Variants in SLC25A44 observed in about 807,000 individuals in gnomAD.
The protein encoded by SLC25A44 is solute carrier family 25, member 44.
In SLC25A44, 17 loss-of-function variants were observed where a neutral mutation model predicts 29.9. The ratio of observed to expected loss-of-function variants is 0.57; its 90% CI spans 0.39 to 0.85. The LOEUF (loss-of-function observed/expected upper bound fraction) is 0.85. Ranked by LOEUF, SLC25A44 falls within the 40% of genes least tolerant of loss-of-function variation. The probability of loss-of-function intolerance (pLI) is 0.00; values close to 1 mark genes in which losing one functional copy is unlikely to be tolerated. For synonymous variants in SLC25A44, 140 were observed against 151.8 expected, an observed-to-expected ratio of 0.92 and a Z score of 0.57; for missense variants, 302 against 398.4, an observed-to-expected ratio of 0.76 and a Z score of 2.06.
rs746882753 is a variant in SLC25A44 at position 156,200,480 on chromosome 1, G to A, written c.625+8G>A. The A allele has an allele frequency of 3.8e-6, 6 of 1,596,440 alleles. No homozygotes were observed. In the South Asian group the frequency reaches 6.7e-5, roughly 18 times the overall value. On this transcript the variant is annotated splice_region_variant and intron_variant, in intron 2 of 3. Transcript: ENST00000359511. The stretch of plus-strand genomic sequence containing the variant: ...TCTATCACTTCTATGCAGGTAAGCA[G>A]GGGCCAGGACAGTGGGGGAGGAAGG...
At chr1:156,201,898 C>T (rs1333108937) in intron 2 of SLC25A44, among the ~76,000 whole-genome samples, 3 of 152,176 alleles carry the variant, frequency 2.0e-5, no homozygotes, top group African/African-American at 4.8e-5. Context: ...ATTTTTCTGA[C>T]GTGTCCATCA....
intron 3 of SLC25A44, among the ~76,000 whole-genome samples, chr1:156,209,955 C>T (rs1657185928): frequency 6.6e-6 from 1 of 151,894 alleles, no homozygotes; most frequent in African/African-American, 2.4e-5. Flanking sequence ...CCTCGTGGTG[C>T]AGGTACTATT....
At chr1:156,202,878 G>C (rs1656676286) in intron 2 of SLC25A44, among the ~76,000 whole-genome samples, 1 of 152,144 alleles carries the variant, frequency 6.6e-6, no homozygotes, top group South Asian at 2.1e-4. Flanking sequence ...TGGTCTATAA[G>C]AACAGGGATC....
At chr1:156,204,268 A>G (rs1303073228) in intron 2 of SLC25A44, among the ~76,000 whole-genome samples, 3 of 151,776 alleles carry the variant, frequency 2.0e-5, no homozygotes, top group Non-Finnish European at 1.5e-5. Context: ...CGGCCTCCCA[A>G]AGTGCTGGGA....
rs1656455339 is a variant in SLC25A44 at position 156,200,009 on chromosome 1, C to T, written c.162C>T (p.Tyr54=). The change falls in exon 2 of 4, where the codon TAC becomes TAT. Residue 54 remains tyrosine, a synonymous_variant. Coordinates refer to ENST00000359511, the MANE Select transcript of SLC25A44 (RefSeq NM_014655.4). ...RLQVQKGKSL[Y]HGTFDAFIKI... is the part of the protein sequence containing the mutation. The stretch of plus-strand genomic sequence containing the variant: ...AAGTTCAGAAGGGGAAGAGCCTCTA[C>T]CATGGGACCTTCGATGCCTTCATCA... The T allele has an allele frequency of 6.2e-7, 1 of 1,614,068 alleles. No homozygotes were observed. Among genetic ancestry groups the T allele is most frequent in the South Asian group, 1.1e-5 (1 of 91,088 alleles).
In SLC25A44 at chr1:156,200,139, CG is replaced by C; in HGVS notation, c.294del (p.Lys99SerfsTer3). On this transcript the variant is annotated frameshift_variant, in exon 2 of 4. Transcript: ENST00000359511. LOFTEE classifies it high-confidence loss of function. ...TTATGTCACCACTTATGAGCTCACCCGGAAGTTTGTAGCTGACTACAGCCAG... is the reference window on the plus strand; with the variant it reads ...TTATGTCACCACTTATGAGCTCACCCGAAGTTTGTAGCTGACTACAGCCAG... Reference protein sequence around the residue: ...QCYVTTYELTRKFVADYSQSN... With the variant: ...QCYVTTYELTXKFVADYSQSN... 2 of 1,614,164 alleles carry C rather than the reference CG, an allele frequency of 1.2e-6. No individual in the cohort carries two copies. Among genetic ancestry groups the C allele is most frequent in the Non-Finnish European group, 1.7e-6 (2 of 1,180,028 alleles).
At chr1:156,206,973 GC>G (rs1464052937) in intron 2 of SLC25A44, among the ~76,000 whole-genome samples, 1 of 152,152 alleles carries the variant, frequency 6.6e-6, no homozygotes, top group African/African-American at 2.4e-5. Context: ...AGGATTTTCT[GC>G]CCATCAGATG....
At chr1:156,199,487 A>C in intron 1 of SLC25A44, 2 of 268,312 alleles carry the variant, frequency 7.5e-6, no homozygotes, top group East Asian at 1.8e-4. Context: ...TAGTGATACC[A>C]GGGCCCAGAC....
chr1:156,198,513 A>C lies in SLC25A44; in HGVS notation c.-13-1322A>C, dbSNP rs192715674. On this transcript the variant is annotated intron_variant, in intron 1 of 3. Transcript: ENST00000359511. The surrounding 1 kb of genome is among the most constrained non-coding windows in gnomAD (Gnocchi z 4.1). The stretch of plus-strand genomic sequence containing the variant: ...TCCTAGGCTGGAGTGCAGTGGTGTG[A>C]TCATGGCTCACTGCAGCCCCAACCT... 1 of 150,478 alleles carries C rather than the reference A, an allele frequency of 6.6e-6. No homozygotes were observed. The highest frequency in any genetic ancestry group is 2.5e-5 in the African/African-American group (1 of 40,290). 9.3% of individuals were successfully genotyped at this position (150,478 alleles called of 1,614,324 possible). A position where few individuals can be genotyped will look rare whatever the true frequency, so the allele number is the denominator to read the frequency against.
chr1:156,195,489 G>T (rs946610787), intron 1 of SLC25A44, among the ~76,000 whole-genome samples: 1 of 152,176 alleles, frequency 6.6e-6, no homozygotes, highest in African/African-American at 2.4e-5. Flanking sequence ...TCCGTCCCCC[G>T]CAGGGGGCGT....
Position 156,200,156 on chromosome 1 carries a change from C to T in SLC25A44, c.309C>T (p.Asp103=). 6.2e-7 allele frequency: 1 copy of T among 1,614,196 alleles called. No individual in the cohort carries two copies. The highest frequency in any genetic ancestry group is 8.5e-7 in the Non-Finnish European group (1 of 1,180,026). The part of the protein sequence containing the change: ...TYELTRKFVA[D]YSQSNTVKSL... Reference sequence around the variant, plus strand: ...AGCTCACCCGGAAGTTTGTAGCTGACTACAGCCAGAGTAACACAGTCAAAT... The same window carrying T: ...AGCTCACCCGGAAGTTTGTAGCTGATTACAGCCAGAGTAACACAGTCAAAT... Residue 103 remains aspartate (D), a synonymous_variant, in exon 2 of 4, where the codon GAC becomes GAT. Transcript: ENST00000359511.
chr1:156,208,024 C>T lies in SLC25A44; in HGVS notation c.753+11C>T, dbSNP rs757285170. The T allele has an allele frequency of 1.2e-6, 2 of 1,612,788 alleles. No individual in the cohort carries two copies. The highest frequency in any genetic ancestry group is 4.5e-5 in the East Asian group (2 of 44,860). ...CGAACCCGTGTGCAGGTAAGACTGA[C>T]CACTTCCCTCACCCTCCTCCTGGAG... is the stretch of plus-strand genomic sequence containing the variant. On this transcript the variant is annotated intron_variant, in intron 3 of 3. Coordinates refer to ENST00000359511, the MANE Select transcript of SLC25A44 (RefSeq NM_014655.4).
intron 2 of SLC25A44, among the ~76,000 whole-genome samples, chr1:156,205,997 C>T (rs1449414458): frequency 6.6e-6 from 1 of 152,080 alleles, no homozygotes; most frequent in African/African-American, 2.4e-5. Flanking sequence ...AACCTGGGTA[C>T]CATTCCATCT....
rs760126940 is a variant in SLC25A44, at chr1:156,200,390, C to A, written c.543C>A (p.Gly181=). The A allele has an allele frequency of 3.0e-5, 48 of 1,613,972 alleles. No individual in the cohort carries two copies. The South Asian group carries it at 4.5e-4, about 15-fold the overall frequency. ...TCCTGCAGGCTGATGGACTTCGCGGCTTCTATCGAGGCTATGTGGCTTCAC... is the reference window on the plus strand; with the variant it reads ...TCCTGCAGGCTGATGGACTTCGCGGATTCTATCGAGGCTATGTGGCTTCAC... The part of the protein sequence containing the change: ...RQILQADGLR[G]FYRGYVASLL... The change falls in exon 2 of 4, where the codon GGC becomes GGA. Residue 181 remains glycine, a synonymous_variant. Transcript: ENST00000359511.
At chr1:156,201,080 C>T (rs1011708704) in intron 2 of SLC25A44, among the ~76,000 whole-genome samples, 5 of 151,872 alleles carry the variant, frequency 3.3e-5, no homozygotes, top group Admixed American at 2.0e-4. Flanking sequence ...GTGATCTGCC[C>T]GCCTCGGCCT....
Position 156,199,925 on chromosome 1 carries a change from A to G in SLC25A44, c.78A>G (p.Ala26=), listed in dbSNP as rs1656447811. The change falls in exon 2 of 4, where the codon GCA becomes GCG. Residue 26 remains alanine (A), a synonymous_variant. Coordinates refer to ENST00000359511, the MANE Select transcript of SLC25A44 (RefSeq NM_014655.4). ...AGAAGTTCTACGTGTTTGGTGTGGC[A>G]ATGACAATGATGATCCGTGTCAGTG... The part of the protein sequence containing the change: ...DKKKFYVFGV[A]MTMMIRVSVY... The G allele has an allele frequency of 6.2e-7, 1 of 1,614,082 alleles. No homozygotes were observed. The highest frequency in any genetic ancestry group is 8.5e-7 in the Non-Finnish European group (1 of 1,180,020).
chr1:156,207,105 AGGT>A (rs1656987038), intron 2 of SLC25A44, among the ~76,000 whole-genome samples: 1 of 151,854 alleles, frequency 6.6e-6, no homozygotes, highest in South Asian at 2.1e-4. Flanking sequence ...TGGGAGGCTG[AGGT>A]GGGAGAATTG....
intron 1 of SLC25A44, chr1:156,197,976 G>A (rs1357439817): frequency 6.6e-6 from 1 of 152,194 alleles, no homozygotes; most frequent in Middle Eastern, 3.2e-3. Context: ...AGTTCTCATG[G>A]AATAAAAGCT....
chr1:156,207,809 G>A, intron 2 of SLC25A44, 77 bp from the exon 3 acceptor site: 1 of 1,561,404 alleles, frequency 6.4e-7, no homozygotes, highest in Non-Finnish European at 8.7e-7. Flanking sequence ...AAAGCCACCT[G>A]GTAGAAGCAG....
Sources: allele counts gnomAD v4.1 joint callset (sites outside exome capture counted in the v4.1 genomes callset), GRCh38; gene constraint gnomAD v4.1.1; non-coding constraint Gnocchi (gnomAD v3.1); transcripts MANE v1.5; gene names NCBI Gene and HGNC (gene_info 2026-07-23, HGNC 2026-07-21).